The following LVRN variants were observed in gnomAD, a reference collection of about 807,000 sequenced individuals.
The protein encoded by LVRN is laeverin.
A neutral mutation model predicts 111.4 loss-of-function variants in LVRN; 99 were observed. The observed-to-expected ratio is 0.89, with a 90% CI of 0.76 to 1.05. The LOEUF is 1.05. LVRN is among the 50% of genes least tolerant of loss of function. The pLI, the probability that LVRN is intolerant of heterozygous loss-of-function variation, is 0.00. For synonymous variants in LVRN, 488 were observed against 449.5 expected (o/e 1.09, Z -1.08); for missense variants, 1,414 against 1,206.8 (o/e 1.17, Z -2.54).
At chr5:115,978,519 A>T (rs1200651091) in intron 1 of LVRN, among the ~76,000 whole-genome samples, 1 of 152,156 alleles carries the variant, frequency 6.6e-6, no homozygotes, top group Non-Finnish European at 1.5e-5. Flanking sequence ...GTTCCTGCTT[A>T]TTCTTAAGTG....
At position 116,026,342 on chromosome 5, in the gene LVRN, C is replaced by T; in HGVS notation, c.*224C>T. On this transcript the variant is annotated 3_prime_UTR_variant, in exon 20 of 20. Transcript: ENST00000357872. ...TGCTGTATTTCTGGGAAAGATGTCA[C>T]TTCATGTTGGGTTATAATCCCACAG... 1 of 557,206 alleles carries T rather than the reference C, an allele frequency of 1.8e-6. No homozygotes were observed. The allele number at this position is 557,206 out of a possible 1,614,324, so 34.5% of individuals were successfully genotyped here.
Position 116,002,940 on chromosome 5 carries a change from A to ATAT in LVRN, c.1897+30_1897+32dup, listed in dbSNP as rs745751126. ...AGTAACAAATTTTAAAAACATCTTTATATATATGCATATGTAAAGGCAGGG... is the reference window on the plus strand; with the variant it reads ...AGTAACAAATTTTAAAAACATCTTTATATTATATATGCATATGTAAAGGCAGGG... On this transcript the variant is annotated intron_variant, in intron 11 of 19. Transcript: ENST00000357872. The ATAT allele has an allele frequency of 2.0e-6, 3 of 1,470,434 alleles. No individual in the cohort carries two copies. In the African/African-American group the frequency reaches 4.2e-5, roughly 21 times the overall value. 91.1% of individuals were successfully genotyped at this position (1,470,434 alleles called of 1,614,324 possible).
At chr5:115,995,171 A>G (rs2112590063) in intron 6 of LVRN, among the ~76,000 whole-genome samples, 1 of 152,308 alleles carries the variant, frequency 6.6e-6, no homozygotes, top group African/African-American at 2.4e-5. Flanking sequence ...TCGTCCTATT[A>G]TTTTGGAAGT....
At chr5:115,983,464 A>G (rs766904529) in intron 2 of LVRN, 35 bp downstream of exon 2, 4 of 1,559,578 alleles carry the variant, frequency 2.6e-6, no homozygotes, top group Non-Finnish European at 2.6e-6. Context: ...CTAGCTGTCT[A>G]TCTATATAAG....
At chr5:116,015,788 T>C (rs1299082696) in intron 18 of LVRN, 23 bp downstream of exon 18, 1 of 1,611,250 alleles carries the variant, frequency 6.2e-7, no homozygotes, top group East Asian at 2.2e-5. Context: ...GTGAGACCTT[T>C]CTTTCATTTA....
At position 115,999,786 on chromosome 5, in the gene LVRN, T is replaced by G; in HGVS notation, c.1399T>G (p.Leu467Val). Residue 467 changes from leucine (L) to valine (V), a missense_variant, in exon 7 of 20, where the codon TTA (leucine) becomes GTA (valine). Coordinates refer to ENST00000357872, the MANE Select transcript of LVRN (RefSeq NM_173800.5). Reference sequence around the variant, plus strand: ...GAATGAGATCTTTTTTTCTAACATTTTACATAATATCCTCAGAGAAGATCA... The same window carrying G: ...GAATGAGATCTTTTTTTCTAACATTGTACATAATATCCTCAGAGAAGATCA... Reference protein sequence around the residue: ...PRNEIFFSNILHNILREDHAL... With the variant: ...PRNEIFFSNIVHNILREDHAL... The G allele has an allele frequency of 1.2e-6, 2 of 1,613,408 alleles. No individual in the cohort carries two copies. The highest frequency in any genetic ancestry group is 1.7e-6 in the Non-Finnish European group (2 of 1,179,652).
intron 6 of LVRN, among the ~76,000 whole-genome samples, chr5:115,997,155 A>G (rs868759749): frequency 4.6e-5 from 7 of 152,148 alleles, no homozygotes; most frequent in Admixed American, 2.0e-4. Flanking sequence ...AGTACTCATA[A>G]TAATCCATTG....
At position 115,963,308 on chromosome 5, in the gene LVRN, C is replaced by T; in HGVS notation, c.691C>T (p.Arg231Cys). The stretch of plus-strand genomic sequence containing the variant: ...CAACGTCTACACCGACCAGGGCGAG[C>T]GCAGGTAAGGGCTGTACAGCCCGGG... ...FLNVYTDQGERRALLASQLEP... is the reference protein window; with the variant it reads ...FLNVYTDQGECRALLASQLEP... The change falls in exon 1 of 20, where the codon CGC becomes TGC. Residue 231 changes from arginine to cysteine, a missense_variant. Coordinates refer to ENST00000357872, the MANE Select transcript of LVRN (RefSeq NM_173800.5). 6.2e-7 allele frequency: 1 copy of T among 1,606,300 alleles called. No homozygotes were observed. Among genetic ancestry groups the T allele is most frequent in the Non-Finnish European group, 8.5e-7 (1 of 1,176,816 alleles).
intron 11 of LVRN, 107 bp from the exon 12 acceptor site, chr5:116,003,134 T>C: frequency 9.0e-7 from 1 of 1,116,140 alleles, no homozygotes; most frequent in Non-Finnish European, 1.3e-6. Flanking sequence ...ATTCCTTTAA[T>C]TTTTTGTTTT....
At chr5:115,972,769 G>A (rs903244628) in intron 1 of LVRN, among the ~76,000 whole-genome samples, 7 of 151,716 alleles carry the variant, frequency 4.6e-5, no homozygotes, top group East Asian at 1.9e-4. Context: ...GGTTGAAAAC[G>A]TTTCCTTTTA....
At chr5:115,986,803 G>C (rs1580383606) in intron 3 of LVRN, among the ~76,000 whole-genome samples, 1 of 152,142 alleles carries the variant, frequency 6.6e-6, no homozygotes. Context: ...AGAAATAAAA[G>C]CAAAGTAAGA....
In LVRN at chr5:115,987,820, T is replaced by C; in HGVS notation, c.986T>C (p.Ile329Thr). The C allele has an allele frequency of 6.2e-7, 1 of 1,612,338 alleles. No individual in the cohort carries two copies. Among genetic ancestry groups the C allele is most frequent in the Non-Finnish European group, 8.5e-7 (1 of 1,179,294 alleles). ...NRTERGKEIR[I>T]WARKDAIANG... Reference sequence around the variant, plus strand: ...TTAACTGTTTTGATTTAGATACGCATCTGGGCCCGGAAAGATGCAATTGCA... The same window carrying C: ...TTAACTGTTTTGATTTAGATACGCACCTGGGCCCGGAAAGATGCAATTGCA... The change falls in exon 4 of 20, where the codon ATC becomes ACC. Residue 329 changes from isoleucine to threonine, a missense_variant. Physicochemically the swap from Ile to Thr is moderately conservative, Grantham distance 89. Coordinates refer to ENST00000357872, the MANE Select transcript of LVRN (RefSeq NM_173800.5).
intron 18 of LVRN, among the ~76,000 whole-genome samples, chr5:116,020,678 C>T (rs1748708055): frequency 1.3e-5 from 2 of 152,162 alleles, no homozygotes; most frequent in Admixed American, 1.3e-4. Context: ...GGTCCAAGCA[C>T]TGGGGGGCCT....
chr5:115,965,807 A>G (rs1475522783), intron 1 of LVRN, among the ~76,000 whole-genome samples: 1 of 151,850 alleles, frequency 6.6e-6, no homozygotes, highest in Non-Finnish European at 1.5e-5. Context: ...CTTCCCCTTC[A>G]TCTCCTGCCA....
At chr5:115,977,502 C>G (rs1230522610) in intron 1 of LVRN, among the ~76,000 whole-genome samples, 1 of 152,108 alleles carries the variant, frequency 6.6e-6, no homozygotes, top group Admixed American at 6.5e-5. Flanking sequence ...CTGATTTGAG[C>G]CTATGTTACT....
At chr5:115,978,609 C>T (rs574901019) in intron 1 of LVRN, among the ~76,000 whole-genome samples, 3 of 152,206 alleles carry the variant, frequency 2.0e-5, no homozygotes, top group East Asian at 1.9e-4. Context: ...ATATTCAAAC[C>T]TTTGAACTTA....
At chr5:116,016,814 T>A (rs1748610845) in intron 18 of LVRN, among the ~76,000 whole-genome samples, 1 of 152,108 alleles carries the variant, frequency 6.6e-6, no homozygotes, top group African/African-American at 2.4e-5. Context: ...GAAGAAAGAC[T>A]GATGGGAGAA....
intron 16 of LVRN, 59 bp downstream of exon 16, chr5:116,014,586 CT>C (rs34445895): frequency 1.5e-6 from 2 of 1,350,088 alleles, no homozygotes; most frequent in Admixed American, 1.7e-5. Context: ...AGCAATTTCC[CT>C]TTTTGATGTA....
intron 13 of LVRN, among the ~76,000 whole-genome samples, chr5:116,006,690 G>A (rs1297688795): frequency 6.6e-6 from 1 of 152,004 alleles, no homozygotes; most frequent in East Asian, 1.9e-4. Context: ...TCTTTTCTTT[G>A]ATAACTCATT....
Sources: gnomAD v4.1 joint callset for allele counts (sites outside exome capture counted in the v4.1 genomes callset) on GRCh38, gnomAD v4.1.1 for gene constraint, MANE v1.5 for transcripts, NCBI Gene and HGNC (gene_info 2026-07-23, HGNC 2026-07-21) for gene names.